PRRC2B: variants seen among roughly 807,000 people sequenced by gnomAD.
The protein encoded by PRRC2B is protein PRRC2B.
A neutral mutation model predicts 242.3 loss-of-function variants in PRRC2B; 68 were observed. The ratio of observed to expected loss-of-function variants is 0.28; its 90% CI spans 0.23 to 0.34. The LOEUF (loss-of-function observed/expected upper bound fraction) is 0.34. PRRC2B is among the 10% of genes least tolerant of loss of function. The pLI, the probability that PRRC2B is intolerant of heterozygous loss-of-function variation, is 1.00. For synonymous variants in PRRC2B, 1,228 were observed against 1,173.6 expected (o/e 1.05, Z -0.95); for missense variants, 2,835 against 2,954.8 (o/e 0.96, Z 0.94).
chr9:131,388,186 T>TAA (rs566083129), intron 1 of PRRC2B, among the ~76,000 whole-genome samples: 6 of 122,040 alleles, frequency 4.9e-5, no homozygotes, highest in African/African-American at 8.7e-5. Context: ...AGACGCTGTC[T>TAA]AAAAAAAAAA....
At position 131,475,794 on chromosome 9, in the gene PRRC2B, A is replaced by G. The variant is rs1943676610; in HGVS notation, c.3665A>G (p.Lys1222Arg). 2 of 1,613,138 alleles carry G rather than the reference A, an allele frequency of 1.2e-6. No individual in the cohort carries two copies. Among genetic ancestry groups the G allele is most frequent in the Non-Finnish European group, 8.5e-7 (1 of 1,179,346 alleles). ...TATGGACGGAGAACCTTCGTCTCCA[A>G]AGAGTCACCCCACTGGCAGAGCAAA... Reference protein sequence around the residue: ...CGYGRRTFVSKESPHWQSKSP... With the variant: ...CGYGRRTFVSRESPHWQSKSP... The change falls in exon 16 of 32, where the codon AAA becomes AGA. Residue 1222 changes from lysine (K) to arginine (R), a missense_variant. Coordinates refer to ENST00000683519, the MANE Select transcript of PRRC2B (RefSeq NM_013318.4).
chr9:131,461,361 G>T (rs1943236633), intron 11 of PRRC2B, among the ~76,000 whole-genome samples: 1 of 152,056 alleles, frequency 6.6e-6, no homozygotes, highest in Non-Finnish European at 1.5e-5. Flanking sequence ...CCCTTGCCTG[G>T]GCTCTAACCA....
intron 28 of PRRC2B, among the ~76,000 whole-genome samples, chr9:131,490,236 C>T (rs1232942057): frequency 6.6e-6 from 1 of 150,396 alleles, no homozygotes; most frequent in African/African-American, 2.4e-5. Flanking sequence ...CCTCACCTCA[C>T]CCCCTTACCC....
At position 131,477,787 on chromosome 9, in the gene PRRC2B, AGTGGGAGTGGCCACTCCCC is replaced by A; in HGVS notation, c.4451_4469del (p.Ser1484ThrfsTer40). 1 of 1,611,140 alleles carries A rather than the reference AGTGGGAGTGGCCACTCCCC, an allele frequency of 6.2e-7. No homozygotes were observed. ...GCCTGGAGGTCTTAGTGGCTGCAGC[AGTGGGAGTGGCCACTCCCC>A]CTATGCCCTGGAGCGGGCAGCCCAT... On this transcript the variant is annotated frameshift_variant, in exon 17 of 32. Transcript: ENST00000683519. LOFTEE classifies it high-confidence loss of function.
At chr9:131,422,515 C>T (rs753215344) in intron 1 of PRRC2B, among the ~76,000 whole-genome samples, 15 of 152,226 alleles carry the variant, frequency 9.9e-5, no homozygotes, top group Non-Finnish European at 1.9e-4. Context: ...CTGATCTCCC[C>T]TGAATGCGGA....
At chr9:131,473,799 G>T (rs1454613006) in intron 15 of PRRC2B, 75 bp downstream of exon 15, 1 of 1,182,296 alleles carries the variant, frequency 8.5e-7, no homozygotes, top group African/African-American at 1.5e-5. Context: ...GCCCTGGGAT[G>T]AGCTACCATC....
chr9:131,461,805 G>A (rs977408809), intron 11 of PRRC2B, among the ~76,000 whole-genome samples: 1 of 152,024 alleles, frequency 6.6e-6, no homozygotes, highest in African/African-American at 2.4e-5. Context: ...GGGATTTCAG[G>A]TGTGAGCCAC....
chr9:131,459,222 G>T lies in PRRC2B; in HGVS notation c.1270G>T (p.Asp424Tyr). Residue 424 changes from aspartate to tyrosine, a missense_variant, in exon 11 of 32, where the codon GAC becomes TAC. Transcript: ENST00000683519. ...GTCAATGAGCTCTGCAGACAGTGCG[G>T]ACGCTAAGCGGACTCGAGAGGAAGG... ...QLSMSSADSA[D>Y]AKRTREEGKD... is the part of the protein sequence containing the mutation. The T allele has an allele frequency of 3.7e-6, 6 of 1,614,014 alleles. No homozygotes were observed. Among genetic ancestry groups the T allele is most frequent in the Non-Finnish European group, 5.1e-6 (6 of 1,179,896 alleles).
chr9:131,480,634 A>T (rs1220918684), intron 19 of PRRC2B, among the ~76,000 whole-genome samples: 2 of 146,152 alleles, frequency 1.4e-5, no homozygotes, highest in Admixed American at 6.9e-5. Context: ...TTTTTTTTTT[A>T]AAGATGGGGT....
rs375437975 is a variant in PRRC2B, at chr9:131,484,991, C to A, written c.5609C>A (p.Pro1870Gln). The change falls in exon 25 of 32, where the codon CCG becomes CAG. Residue 1870 changes from proline (P) to glutamine (Q), a missense_variant. Around this residue, in one of 7 missense-constraint regions of PRRC2B, gnomAD observed 574 missense variants for 626.0 expected, o/e 0.92. Transcript: ENST00000683519. The stretch of plus-strand genomic sequence containing the variant: ...GCTTGGGAAAACTCCCCCAGTTTGC[C>A]GGAGCAGAGCTCTCCAGGCGGCGCT... ...RKAWENSPSL[P>Q]EQSSPGGAGS... is the part of the protein sequence containing the mutation. 12 of 1,613,368 alleles carry A rather than the reference C, an allele frequency of 7.4e-6. No homozygotes were observed. Among genetic ancestry groups the A allele is most frequent in the African/African-American group, 1.3e-5 (1 of 75,034 alleles).
chr9:131,389,149 A>AT (rs71501254), upstream of PRRC2B, among the ~76,000 whole-genome samples: 23,414 of 108,820 alleles, frequency 0.22, 2,862 homozygotes, highest in Middle Eastern at 0.26. Flanking sequence ...GCTCCTTTCA[A>AT]TTTTTTTTTT....
At chr9:131,392,542 G>A (rs947488867), upstream of PRRC2B, among the ~76,000 whole-genome samples, 15 of 152,056 alleles carry the variant, frequency 9.9e-5, no homozygotes, top group Non-Finnish European at 2.1e-4. Context: ...GAACAAAATC[G>A]AAAACAAAAA....
chr9:131,420,498 T>TTCTTTCTTTCTTTCTTTC (rs1564278665), intron 1 of PRRC2B, among the ~76,000 whole-genome samples: 2 of 90,770 alleles, frequency 2.2e-5, no homozygotes, highest in Non-Finnish European at 2.3e-5. Flanking sequence ...TCTTTCTTTT[T>TTCTTTCTTTCTTTCTTTC]TTTTTTTTTT....
intron 5 of PRRC2B, among the ~76,000 whole-genome samples, chr9:131,440,862 G>A (rs1212100295): frequency 1.4e-5 from 2 of 147,238 alleles, no homozygotes; most frequent in Non-Finnish European, 3.0e-5. Context: ...GACTTTGGGA[G>A]GCTGAGGCAG....
upstream of PRRC2B, among the ~76,000 whole-genome samples, chr9:131,393,011 A>G (rs1836930750): frequency 6.6e-6 from 1 of 152,196 alleles, no homozygotes; most frequent in Non-Finnish European, 1.5e-5. Flanking sequence ...AAATAAGGCT[A>G]TAAAAGTATC....
At chr9:131,415,540 G>A (rs1837625216) in intron 1 of PRRC2B, among the ~76,000 whole-genome samples, 1 of 152,258 alleles carries the variant, frequency 6.6e-6, no homozygotes, top group South Asian at 2.1e-4. Context: ...CCAGTCCCTC[G>A]GTTTGCTCTC....
At chr9:131,488,844 C>T (rs1233286074) in intron 28 of PRRC2B, among the ~76,000 whole-genome samples, 1 of 152,236 alleles carries the variant, frequency 6.6e-6, no homozygotes, top group African/African-American at 2.4e-5. Context: ...AAATCTTCCT[C>T]TCCGTCAACC....
At chr9:131,410,867 A>G (rs909380371) in intron 1 of PRRC2B, among the ~76,000 whole-genome samples, 1 of 151,714 alleles carries the variant, frequency 6.6e-6, no homozygotes, top group Non-Finnish European at 1.5e-5. Flanking sequence ...ATTTGCTTGC[A>G]TTGGTTTTTT....
At position 131,386,385 on chromosome 9, in the gene PRRC2B, G is replaced by A. The variant is rs370428484; in HGVS notation, c.-56+12654G>A. On this transcript the variant is annotated intron_variant, in intron 1 of 1. Transcript: ENST00000682525. ...TCCTGCCTTGGCCTCCCAGAGTCCC[G>A]TGATTATAGGTGTGAGCCACTGCGC... is the stretch of plus-strand genomic sequence containing the variant. Among the ~76,000 whole-genome samples, 12 of 150,288 alleles carry A rather than the reference G, an allele frequency of 8.0e-5. 2 individuals carry two copies. In the East Asian group the frequency reaches 9.9e-4, roughly 12 times the overall value.
Sources: gnomAD v4.1 joint callset for allele counts (sites outside exome capture counted in the v4.1 genomes callset) on GRCh38, gnomAD v4.1.1 for gene constraint, gnomAD v4.1.1 regional missense constraint, MANE v1.5 for transcripts, NCBI Gene and HGNC (gene_info 2026-07-23, HGNC 2026-07-21) for gene names.